The following COL4A6 variants were observed in gnomAD, a reference collection of about 807,000 sequenced individuals.
The protein encoded by COL4A6 is collagen alpha-6(IV) chain.
Under a neutral mutation model 126.7 loss-of-function variants are expected in COL4A6, and 59 were observed. The ratio of observed to expected loss-of-function variants is 0.47; its 90% CI spans 0.38 to 0.58. The LOEUF is 0.58. COL4A6 is among the 20% of genes least tolerant of loss of function. The probability of loss-of-function intolerance (pLI) is 0.00; values close to 1 mark genes in which losing one functional copy is unlikely to be tolerated. For synonymous variants in COL4A6, 547 were observed against 496.6 expected, an observed-to-expected ratio of 1.10 and a Z score of -1.35; for missense variants, 1,285 against 1,337.3, an observed-to-expected ratio of 0.96 and a Z score of 0.61.
At chrX:108,408,846 G>A (rs892393879) in intron 2 of COL4A6, among the ~76,000 whole-genome samples, 2 of 110,904 alleles carry the variant, frequency 1.8e-5, no homozygotes, top group African/African-American at 6.6e-5. Flanking sequence ...CTATAATCCC[G>A]GCTACTCAGG....
intron 2 of COL4A6, among the ~76,000 whole-genome samples, chrX:108,434,765 G>GATAT (rs752381684): frequency 3.9e-5 from 4 of 102,468 alleles, no homozygotes; most frequent in African/African-American, 7.0e-5. Context: ...GTCATCCCAA[G>GATAT]ATATATATAT....
intron 5 of COL4A6, among the ~76,000 whole-genome samples, chrX:108,214,699 G>C (rs1218741319): frequency 2.7e-5 from 3 of 112,163 alleles, no homozygotes; most frequent in Non-Finnish European, 3.8e-5. Context: ...TAACAGAGCA[G>C]AAGCAGTTCC....
intron 3 of COL4A6, among the ~76,000 whole-genome samples, chrX:108,298,415 A>G (rs918775566): frequency 9.0e-6 from 1 of 111,728 alleles, no homozygotes; most frequent in Non-Finnish European, 1.9e-5. Context: ...GGCAGGGGGA[A>G]TTTCTGTCGC....
chrX:108,320,325 T>C (rs1013996722), intron 2 of COL4A6, among the ~76,000 whole-genome samples: 2 of 111,570 alleles, frequency 1.8e-5, no homozygotes, highest in African/African-American at 6.5e-5. Context: ...TGTGAGGTTT[T>C]TGGTAGACTT....
At position 108,255,233 on chromosome X, in the gene COL4A6, A is replaced by AG. The variant is rs1250485850; in HGVS notation, c.145-33860dup. Among the ~76,000 whole-genome samples, 898 of 93,993 alleles carry AG rather than the reference A, an allele frequency of 9.6e-3. 8 individuals carry two copies. Among genetic ancestry groups the AG allele is most frequent in the Non-Finnish European group, 0.016 (755 of 48,493 alleles). The allele number at this position is 93,993 out of a possible 115,157, so 81.6% of individuals were successfully genotyped here. On this transcript the variant is annotated intron_variant, in intron 3 of 44. Coordinates refer to ENST00000334504, the MANE Select transcript of COL4A6 (RefSeq NM_033641.4). ...AAAAGGAAAGGCATCCTCAAATGGA[A>AG]GTGGGGGGGCTACTTCCTGAAGAGA...
intron 43 of COL4A6, 29 bp downstream of exon 43, chrX:108,160,434 C>A (rs748441880): frequency 7.7e-6 from 9 of 1,161,476 alleles, no homozygotes; most frequent in Non-Finnish European, 1.0e-5. Flanking sequence ...GACAGGTGAC[C>A]AGGGCTGGCT....
chrX:108,188,655 A>G lies in COL4A6; in HGVS notation c.1449T>C (p.Cys483=). The change falls in exon 21 of 45, where the codon TGT becomes TGC. Residue 483 remains cysteine (C), a synonymous_variant. Transcript: ENST00000334504. ...GIKGDSGFCA[C]DGGVPNTGPP... is the part of the protein sequence containing the mutation. ...GTCCAGTGTTGGGAACACCACCGTC[A>G]CAAGCACAGAAACCTGAGTCTCCTG... 8.6e-7 allele frequency: 1 copy of G among 1,165,118 alleles called. No individual in the cohort carries two copies. Among genetic ancestry groups the G allele is most frequent in the Non-Finnish European group, 1.1e-6 (1 of 873,249 alleles).
chrX:108,225,140 C>T (rs2036132979), intron 3 of COL4A6, among the ~76,000 whole-genome samples: 2 of 111,884 alleles, frequency 1.8e-5, no homozygotes, highest in Admixed American at 1.9e-4. Flanking sequence ...AGACCACCTG[C>T]TGCCAGTATG....
chrX:108,269,036 C>T (rs1350880916), intron 3 of COL4A6: 1 of 328,004 alleles, frequency 3.0e-6, no homozygotes, highest in South Asian at 2.7e-5. Flanking sequence ...AACATCAGAA[C>T]TCAGCCTCCT....
chrX:108,334,930 C>T (rs2039395186), intron 2 of COL4A6, among the ~76,000 whole-genome samples: 1 of 111,729 alleles, frequency 9.0e-6, no homozygotes. Flanking sequence ...TCCCTTTCAG[C>T]TCAAATACTA....
intron 2 of COL4A6, among the ~76,000 whole-genome samples, chrX:108,391,415 G>A (rs924893791): frequency 9.0e-6 from 1 of 111,731 alleles, no homozygotes; most frequent in Non-Finnish European, 1.9e-5. Context: ...AATCTAGAGA[G>A]GCAGGAGGCC....
At chrX:108,386,635 A>T (rs1282084624) in intron 2 of COL4A6, among the ~76,000 whole-genome samples, 1 of 111,664 alleles carries the variant, frequency 9.0e-6, no homozygotes. Flanking sequence ...AGATGGATAG[A>T]TCACAAAAAT....
At chrX:108,285,551 C>A (rs2037984020) in intron 3 of COL4A6, among the ~76,000 whole-genome samples, 1 of 111,476 alleles carries the variant, frequency 9.0e-6, no homozygotes, top group Non-Finnish European at 1.9e-5. Flanking sequence ...TGACTTCCTG[C>A]AGATTTTTTT....
At chrX:108,250,343 C>T (rs772013124) in intron 3 of COL4A6, among the ~76,000 whole-genome samples, 1 of 110,376 alleles carries the variant, frequency 9.1e-6, no homozygotes, top group East Asian at 2.9e-4. Flanking sequence ...AACTTCCCTC[C>T]ACTACAAAGT....
At position 108,276,038 on chromosome X, in the gene COL4A6, T is replaced by C. The variant is rs746801657; in HGVS notation, c.144+34710A>G. On this transcript the variant is annotated intron_variant, in intron 3 of 44. Coordinates refer to ENST00000334504, the MANE Select transcript of COL4A6 (RefSeq NM_033641.4). ...CTGTTTAGATCTCTTTGTAGCAATG[T>C]ATACAAATGTTAGTTCCAAGTGAGG... Among the ~76,000 whole-genome samples, 19 of 112,910 alleles carry C rather than the reference T, an allele frequency of 1.7e-4. 1 individual carries two copies. In the Admixed American group the frequency reaches 1.8e-3, roughly 10 times the overall value.
chrX:108,257,895 T>G (rs1190418882), intron 3 of COL4A6, among the ~76,000 whole-genome samples: 1 of 111,679 alleles, frequency 9.0e-6, no homozygotes, highest in African/African-American at 3.3e-5. Flanking sequence ...TAAAGAAGGA[T>G]AGAAGTGAGG....
chrX:108,175,037 TG>T, intron 30 of COL4A6, 52 bp downstream of exon 30: 1 of 1,120,234 alleles, frequency 8.9e-7, no homozygotes, highest in Non-Finnish European at 1.2e-6. Flanking sequence ...AAGCCAAGTT[TG>T]GTTATGAAGC....
chrX:108,371,574 T>TAA lies in COL4A6; in HGVS notation c.64-60748_64-60747dup, dbSNP rs35855359. Among the ~76,000 whole-genome samples, 110 of 51,517 alleles carry TAA rather than the reference T, an allele frequency of 2.1e-3. 1 individual carries two copies. The highest frequency in any genetic ancestry group is 4.7e-3 in the African/African-American group (74 of 15,774). The allele number at this position is 51,517 out of a possible 115,157, so 44.7% of individuals were successfully genotyped here. ...GTAACATGGAAATACTCTGTCTCTA[T>TAA]AAAAAAAAAAAAAAAAAAAAAACTC... On this transcript the variant is annotated intron_variant, in intron 2 of 44. Coordinates refer to ENST00000334504, the MANE Select transcript of COL4A6 (RefSeq NM_033641.4).
intron 2 of COL4A6, among the ~76,000 whole-genome samples, chrX:108,382,610 AACC>A (rs2040581903): frequency 9.0e-6 from 1 of 110,673 alleles, no homozygotes; most frequent in African/African-American, 3.3e-5. Flanking sequence ...CCCAAACAAC[AACC>A]AAGACACATA....
Sources: gnomAD v4.1 joint callset for allele counts (sites outside exome capture counted in the v4.1 genomes callset) on GRCh38, gnomAD v4.1.1 for gene constraint, MANE v1.5 for transcripts, NCBI Gene and HGNC (gene_info 2026-07-23, HGNC 2026-07-21) for gene names.